TRAIP: variants seen among roughly 807,000 people sequenced by gnomAD.
The protein encoded by TRAIP is E3 ubiquitin-protein ligase TRAIP.
Under a neutral mutation model 65.0 loss-of-function variants are expected in TRAIP, and 37 were observed. The observed-to-expected ratio is 0.57, with a 90% CI of 0.44 to 0.75. TRAIP has a LOEUF of 0.75. Among genes scored for constraint, TRAIP ranks in the 30% least tolerant of loss-of-function variants. TRAIP has a pLI of 0.00. For missense variants in TRAIP, 481 were observed against 579.4 expected, an observed-to-expected ratio of 0.83 and a Z score of 1.74; for synonymous variants, 187 against 219.1, an observed-to-expected ratio of 0.85 and a Z score of 1.29.
In TRAIP at chr3:49,841,808, A is replaced by G; in HGVS notation, c.617+18T>C. 6.2e-7 allele frequency: 1 copy of G among 1,603,616 alleles called. No individual in the cohort carries two copies. The highest frequency in any genetic ancestry group is 8.5e-7 in the Non-Finnish European group (1 of 1,170,708). ...TGGCCTATCTCCTGTGTTTGCTGAGAGGGGCCACAGTACGCACTTCTTGAG... is the reference window on the plus strand; with the variant it reads ...TGGCCTATCTCCTGTGTTTGCTGAGGGGGGCCACAGTACGCACTTCTTGAG... On this transcript the variant is annotated intron_variant, in intron 7 of 14. Transcript: ENST00000331456.
Position 49,843,897 on chromosome 3 carries a change from G to A in TRAIP, c.312C>T (p.Ile104=), listed in dbSNP as rs374213804. The stretch of plus-strand genomic sequence containing the variant: ...CTTCCAGCGTATCCCGCAGAGTGTC[G>A]ATGATGACCTGGCTGTCTCGTTTCT... ...DKEKRDSQVI[I]DTLRDTLEER... The change falls in exon 5 of 15, where the codon ATC becomes ATT. Residue 104 remains isoleucine (I), a synonymous_variant. Transcript: ENST00000331456. 7.4e-6 allele frequency: 12 copies of A among 1,612,104 alleles called. No homozygotes were observed. The African/African-American group carries it at 1.2e-4, about 16-fold the overall frequency.
chr3:49,847,578 A>C lies in TRAIP; in HGVS notation c.187T>G (p.Phe63Val). 1 of 1,611,432 alleles carries C rather than the reference A, an allele frequency of 6.2e-7. No individual in the cohort carries two copies. Among genetic ancestry groups the C allele is most frequent in the East Asian group, 2.2e-5 (1 of 44,816 alleles). The change falls in exon 3 of 15, where the codon TTC becomes GTC. Residue 63 changes from phenylalanine to valine, a missense_variant. Transcript: ENST00000331456. ...TCCTCCTCCTGGGCAAGATCAAAGAAGAGCTTATTGATAATGGTTCTTTTG... is the reference window on the plus strand; with the variant it reads ...TCCTCCTCCTGGGCAAGATCAAAGACGAGCTTATTGATAATGGTTCTTTTG... Reference protein sequence around the residue: ...VGKRTIINKLFFDLAQEEENV... With the variant: ...VGKRTIINKLVFDLAQEEENV...
chr3:49,829,792 C>A, intron 12 of TRAIP, 26 bp from the exon 13 acceptor site: 1 of 1,613,024 alleles, frequency 6.2e-7, no homozygotes, highest in Non-Finnish European at 8.5e-7. Context: ...CAGGGCCAGA[C>A]TTGATGAGCT....
intron 10 of TRAIP, among the ~76,000 whole-genome samples, chr3:49,839,502 C>A (rs2081818693): frequency 6.6e-6 from 1 of 152,202 alleles, no homozygotes; most frequent in Non-Finnish European, 1.5e-5. Context: ...GGAGCTACTC[C>A]ATAAACAGGA....
At chr3:49,848,013 C>T (rs2081900788) in intron 2 of TRAIP, 130 bp downstream of exon 2, 6 of 990,926 alleles carry the variant, frequency 6.1e-6, no homozygotes, top group Non-Finnish European at 9.2e-6. Flanking sequence ...ACAAGTGAGG[C>T]TCAACTGGCC....
intron 1 of TRAIP, among the ~76,000 whole-genome samples, chr3:49,851,208 A>G (rs1387790141): frequency 4.6e-5 from 7 of 152,142 alleles, no homozygotes; most frequent in Non-Finnish European, 1.0e-4. Context: ...TTCTGGGCTC[A>G]AGCAATCTGC....
chr3:49,848,014 T>G, intron 2 of TRAIP, 129 bp downstream of exon 2: 1 of 1,001,340 alleles, frequency 1.0e-6, no homozygotes, highest in Non-Finnish European at 1.5e-6. Context: ...CAAGTGAGGC[T>G]CAACTGGCCT....
chr3:49,838,929 G>A (rs1383118386), intron 10 of TRAIP, among the ~76,000 whole-genome samples: 3 of 150,364 alleles, frequency 2.0e-5, no homozygotes, highest in African/African-American at 7.4e-5. Flanking sequence ...AGTGGCTCAC[G>A]CCTGTAATCC....
At position 49,829,080 on chromosome 3, in the gene TRAIP, G is replaced by A. The variant is rs765164992; in HGVS notation, c.*23C>T. The stretch of plus-strand genomic sequence containing the variant: ...CCTACAAGTTGCAGGCATGTGTCTG[G>A]CCATTGGTCAGACTCACTGTTCTCA... On this transcript the variant is annotated 3_prime_UTR_variant, in exon 15 of 15. Coordinates refer to ENST00000331456, the MANE Select transcript of TRAIP (RefSeq NM_005879.3). 6 of 1,614,132 alleles carry A rather than the reference G, an allele frequency of 3.7e-6. No individual in the cohort carries two copies. Among genetic ancestry groups the A allele is most frequent in the Non-Finnish European group, 5.1e-6 (6 of 1,179,996 alleles).
chr3:49,855,584 T>TGGG (rs774822173), intron 1 of TRAIP, among the ~76,000 whole-genome samples: 17 of 152,248 alleles, frequency 1.1e-4, no homozygotes, highest in Non-Finnish European at 2.4e-4. Context: ...TCCCTCAGCA[T>TGGG]GGGGCTCAGG....
intron 10 of TRAIP, among the ~76,000 whole-genome samples, chr3:49,833,543 G>A (rs2081754453): frequency 6.6e-6 from 1 of 150,982 alleles, no homozygotes; most frequent in Non-Finnish European, 1.5e-5. Context: ...GCAGTGGTGC[G>A]ATCTCGGCTC....
At chr3:49,842,002 C>A in intron 6 of TRAIP, 63 bp from the exon 7 acceptor site, 1 of 1,319,636 alleles carries the variant, frequency 7.6e-7, no homozygotes, top group Non-Finnish European at 1.1e-6. Context: ...GTACCCAGTG[C>A]CGCTCTGCCT....
At position 49,856,308 on chromosome 3, in the gene TRAIP, G is replaced by T. The variant is rs376192158; in HGVS notation, c.98+48C>A. On this transcript the variant is annotated intron_variant, in intron 1 of 14. Transcript: ENST00000331456. ...TGGAGGCCCAACACCTCAAGGCCCTGAAGCGGTACCCGGGCAAACACCGGG... is the reference window on the plus strand; with the variant it reads ...TGGAGGCCCAACACCTCAAGGCCCTTAAGCGGTACCCGGGCAAACACCGGG... 389 of 1,552,822 alleles carry T rather than the reference G, an allele frequency of 2.5e-4. 1 individual carries two copies. Among genetic ancestry groups the T allele is most frequent in the Admixed American group, 3.4e-4 (20 of 59,346 alleles).
chr3:49,840,200 G>C (rs1448857958), intron 9 of TRAIP, 84 bp downstream of exon 9: 2 of 1,262,378 alleles, frequency 1.6e-6, no homozygotes, highest in Non-Finnish European at 1.1e-6. Context: ...TGGTGCAAGG[G>C]TCCTGGGCAG....
rs1267404803 is a variant in TRAIP at position 49,847,612 on chromosome 3, G to T, written c.157-4C>A. 6.2e-7 allele frequency: 1 copy of T among 1,605,300 alleles called. No homozygotes were observed. Among genetic ancestry groups the T allele is most frequent in the Non-Finnish European group, 8.5e-7 (1 of 1,175,444 alleles). On this transcript the variant is annotated splice_region_variant and splice_polypyrimidine_tract_variant and intron_variant, in intron 2 of 14. Coordinates refer to ENST00000331456, the MANE Select transcript of TRAIP (RefSeq NM_005879.3). ...TGATAATGGTTCTTTTGCCAACCTG[G>T]ATGGGAGAACAAGGTAAGAGTATGA...
intron 10 of TRAIP, among the ~76,000 whole-genome samples, chr3:49,834,140 G>A (rs532160504): frequency 1.3e-5 from 2 of 152,220 alleles, no homozygotes; most frequent in South Asian, 4.1e-4. Context: ...GGCTCCTGGC[G>A]GCCTTACCCT....
chr3:49,829,735 C>G lies in TRAIP; in HGVS notation c.1118G>C (p.Cys373Ser). The G allele has an allele frequency of 1.2e-6, 2 of 1,614,172 alleles. No homozygotes were observed. Among genetic ancestry groups the G allele is most frequent in the Non-Finnish European group, 1.7e-6 (2 of 1,180,024 alleles). Reference protein sequence around the residue: ...ESQLSLGGQSCAGEPDEELVG... With the variant: ...ESQLSLGGQSSAGEPDEELVG... ...CAGTTCCTCATCTGGCTCTCCTGCA[C>G]AGCTCTGGCCACCCAGTGAGAGCTG... is the stretch of plus-strand genomic sequence containing the variant. The change falls in exon 13 of 15, where the codon TGT (cysteine) becomes TCT (serine). Residue 373 changes from cysteine (C) to serine (S), a missense_variant. Cys to Ser is a moderately radical substitution (Grantham distance 112). Coordinates refer to ENST00000331456, the MANE Select transcript of TRAIP (RefSeq NM_005879.3).
intron 1 of TRAIP, among the ~76,000 whole-genome samples, chr3:49,854,416 A>G (rs1318097582): frequency 6.6e-6 from 1 of 152,246 alleles, no homozygotes; most frequent in Non-Finnish European, 1.5e-5. Context: ...TTAGTATTCT[A>G]AGCTCTTTGA....
At position 49,842,463 on chromosome 3, in the gene TRAIP, T is replaced by C. The variant is rs776969874; in HGVS notation, c.493A>G (p.Thr165Ala). 5.0e-6 allele frequency: 8 copies of C among 1,613,970 alleles called. No homozygotes were observed. In the South Asian group the frequency reaches 8.8e-5, roughly 18 times the overall value. ...CAGCTCCAAACTCACTGCTCCATGG[T>C]CTTCATCTTGCTCCTGAGCCGGCGG... ...EARRLRSKMKTMEQIELLLQS... is the reference protein window; with the variant it reads ...EARRLRSKMKAMEQIELLLQS... The change falls in exon 6 of 15, where the codon ACC becomes GCC. Residue 165 changes from threonine to alanine, a missense_variant. Physicochemically the swap from Thr to Ala is moderately conservative, Grantham distance 58 (BLOSUM62 0). Coordinates refer to ENST00000331456, the MANE Select transcript of TRAIP (RefSeq NM_005879.3).
Sources: gnomAD v4.1 joint callset for allele counts (sites outside exome capture counted in the v4.1 genomes callset) on GRCh38, gnomAD v4.1.1 for gene constraint, MANE v1.5 for transcripts, NCBI Gene and HGNC (gene_info 2026-07-23, HGNC 2026-07-21) for gene names.